ERRFI1: variants seen among roughly 807,000 people sequenced by gnomAD.
ERRFI1 encodes the protein ERBB receptor feedback inhibitor 1.
ERRFI1 carries 12 observed loss-of-function variants against 14.6 expected under a neutral mutation model. The ratio of observed to expected loss-of-function variants is 0.82; its 90% confidence interval spans 0.53 to 1.33. The LOEUF is 1.33. Ranked by LOEUF, ERRFI1 falls within the 40% of genes most tolerant of loss-of-function variation. The pLI, the probability that ERRFI1 is intolerant of heterozygous loss-of-function variation, is 0.00. For synonymous variants in ERRFI1, 202 were observed against 209.9 expected, an observed-to-expected ratio of 0.96 and a Z score of 0.32; for missense variants, 482 against 572.1, an observed-to-expected ratio of 0.84 and a Z score of 1.61.
intron 1 of ERRFI1, among the ~76,000 whole-genome samples, chr1:8,024,973 C>T (rs1442166505): frequency 6.6e-6 from 1 of 152,072 alleles, no homozygotes; most frequent in Non-Finnish European, 1.5e-5. Flanking sequence ...TCAGTCTCAA[C>T]AAATGTGTGT....
intron 1 of ERRFI1, among the ~76,000 whole-genome samples, chr1:8,023,132 G>A (rs1255076562): frequency 6.6e-6 from 1 of 152,172 alleles, no homozygotes; most frequent in East Asian, 1.9e-4. Context: ...TGAGCGAATA[G>A]TTGTTTAAAA....
intron 1 of ERRFI1, among the ~76,000 whole-genome samples, chr1:8,017,902 A>T (rs1641202386): frequency 6.6e-6 from 1 of 152,218 alleles, no homozygotes; most frequent in African/African-American, 2.4e-5. Flanking sequence ...TTCTAAACTT[A>T]CATTTCAATG....
chr1:8,024,586 G>A (rs1324643863), intron 1 of ERRFI1, among the ~76,000 whole-genome samples: 1 of 152,152 alleles, frequency 6.6e-6, no homozygotes, highest in East Asian at 1.9e-4. Context: ...GTTATAAATC[G>A]TTAGTCTAAG....
intron 3 of ERRFI1, 116 bp from the exon 4 acceptor site, chr1:8,014,512 G>A: frequency 2.0e-6 from 2 of 984,648 alleles, no homozygotes; most frequent in East Asian, 5.0e-5. Context: ...TGAAACACTT[G>A]ACTGCTGTCA....
intron 1 of ERRFI1, among the ~76,000 whole-genome samples, chr1:8,020,712 T>C (rs1641263641): frequency 6.6e-6 from 1 of 152,034 alleles, no homozygotes; most frequent in Non-Finnish European, 1.5e-5. Flanking sequence ...GCCAGGCTAA[T>C]TTTTGTATTT....
chr1:8,023,577 C>A (rs1278487248), intron 1 of ERRFI1, among the ~76,000 whole-genome samples: 1 of 151,956 alleles, frequency 6.6e-6, no homozygotes, highest in Non-Finnish European at 1.5e-5. Context: ...CTGAGCCCGG[C>A]CAAAAGCCCC....
intron 3 of ERRFI1, 145 bp downstream of exon 3, chr1:8,015,163 T>C: frequency 3.0e-6 from 2 of 676,174 alleles, no homozygotes; most frequent in Non-Finnish European, 5.1e-6. Context: ...AGTTATCTTC[T>C]GAATCTGTTG....
Position 8,014,407 on chromosome 1 carries a change from C to A in ERRFI1, c.203-11G>T. ...ATTTGGAAGCATGCCCTGGAATGAACGAGAGATATTAATAAAAGATCAACA... is the reference window on the plus strand; with the variant it reads ...ATTTGGAAGCATGCCCTGGAATGAAAGAGAGATATTAATAAAAGATCAACA... On this transcript the variant is annotated splice_polypyrimidine_tract_variant and intron_variant, in intron 3 of 3. Transcript: ENST00000377482. 1 of 1,545,182 alleles carries A rather than the reference C, an allele frequency of 6.5e-7. No individual in the cohort carries two copies. Among genetic ancestry groups the A allele is most frequent in the Non-Finnish European group, 8.7e-7 (1 of 1,147,346 alleles).
At position 8,015,321 on chromosome 1, in the gene ERRFI1, G is replaced by C. The variant is rs902956661; in HGVS notation, c.189C>G (p.Arg63=). 7 of 1,613,950 alleles carry C rather than the reference G, an allele frequency of 4.3e-6. No individual in the cohort carries two copies. The highest frequency in any genetic ancestry group is 5.1e-6 in the Non-Finnish European group (6 of 1,179,920). ...CAGAATACATACCAAGTGGTATTAG[G>C]CGCTCCTGAGCAGAAGAGTTCAGAC... ...AYSLNSSAQE[R]LIPLGHASKS... The change falls in exon 3 of 4, where the codon CGC becomes CGG. Residue 63 remains arginine (R), a synonymous_variant. Coordinates refer to ENST00000377482, the MANE Select transcript of ERRFI1 (RefSeq NM_018948.4).
intron 1 of ERRFI1, among the ~76,000 whole-genome samples, chr1:8,025,917 G>A (rs1224679719): frequency 2.0e-5 from 3 of 151,960 alleles, no homozygotes; most frequent in East Asian, 1.9e-4. Context: ...CCCCAGGCCC[G>A]GGCTGCGCCG....
chr1:8,015,794 C>A, intron 1 of ERRFI1, 102 bp from the exon 2 acceptor site: 1 of 731,980 alleles, frequency 1.4e-6, no homozygotes, highest in South Asian at 2.2e-5. Flanking sequence ...TTGGGGGATG[C>A]TGAATAGAAA....
chr1:8,017,176 C>T (rs998076855), intron 1 of ERRFI1, among the ~76,000 whole-genome samples: 2 of 151,340 alleles, frequency 1.3e-5, no homozygotes, highest in Non-Finnish European at 1.5e-5. Context: ...TTAAAAAATA[C>T]TCTGCAAGTG....
chr1:8,016,000 T>C (rs573987215), intron 1 of ERRFI1, among the ~76,000 whole-genome samples: 1 of 152,294 alleles, frequency 6.6e-6, no homozygotes, highest in South Asian at 2.1e-4. Flanking sequence ...CACACTCACT[T>C]GGCAATGCAC....
intron 1 of ERRFI1, among the ~76,000 whole-genome samples, chr1:8,022,619 A>G (rs1300210313): frequency 6.6e-6 from 1 of 152,208 alleles, no homozygotes; most frequent in East Asian, 1.9e-4. Context: ...TCCACTCTAT[A>G]GTATCTTCAT....
chr1:8,015,841 C>T (rs1641165853), intron 1 of ERRFI1, 149 bp from the exon 2 acceptor site: 6 of 538,858 alleles, frequency 1.1e-5, no homozygotes, highest in African/African-American at 1.9e-5. Flanking sequence ...TCTCACAGCT[C>T]GTGAGGGTAC....
At chr1:8,015,773 T>A in intron 1 of ERRFI1, 81 bp from the exon 2 acceptor site, 1 of 912,530 alleles carries the variant, frequency 1.1e-6, no homozygotes, top group Non-Finnish European at 1.6e-6. Flanking sequence ...ACAGCAAAGC[T>A]AACAGAGGAT....
intron 1 of ERRFI1, among the ~76,000 whole-genome samples, chr1:8,021,146 A>G (rs1641269629): frequency 6.6e-6 from 1 of 152,262 alleles, no homozygotes; most frequent in Non-Finnish European, 1.5e-5. Flanking sequence ...CATGTCCAGA[A>G]CATAATGGAC....
rs1191417978 is a variant in ERRFI1, at chr1:8,013,342, T to C, written c.1257A>G (p.Gly419=). ...CAGGTAATGGCTGGATTTGGGCGCC[T>C]CCATTTGTTTCTTCTGCTTCCCTAA... ...KFFREAEETN[G]GAQIQPLPAD... is the part of the protein sequence containing the mutation. Residue 419 remains glycine (G), a synonymous_variant, in exon 4 of 4, where the codon GGA becomes GGG. Coordinates refer to ENST00000377482, the MANE Select transcript of ERRFI1 (RefSeq NM_018948.4). This position sits in a 1 kb window ranked among gnomAD's most constrained non-coding sequence, Gnocchi z 4.3. 1 of 1,614,230 alleles carries C rather than the reference T, an allele frequency of 6.2e-7. No individual in the cohort carries two copies. Among genetic ancestry groups the C allele is most frequent in the East Asian group, 2.2e-5 (1 of 44,886 alleles).
chr1:8,016,870 G>A (rs1641181529), intron 1 of ERRFI1, among the ~76,000 whole-genome samples: 1 of 151,282 alleles, frequency 6.6e-6, no homozygotes, highest in South Asian at 2.1e-4. Flanking sequence ...GTGCAAATGT[G>A]ACACATTTGC....
Sources: allele counts gnomAD v4.1 joint callset (sites outside exome capture counted in the v4.1 genomes callset), GRCh38; gene constraint gnomAD v4.1.1; non-coding constraint Gnocchi (gnomAD v3.1); transcripts MANE v1.5; gene names NCBI Gene and HGNC (gene_info 2026-07-23, HGNC 2026-07-21).